The following LARP1 variants were observed in gnomAD, a reference collection of about 807,000 sequenced individuals.
LARP1 encodes the protein La ribonucleoprotein 1, translational regulator, also known as la-related protein 1.
LARP1 carries 36 observed loss-of-function variants against 122.7 expected under a neutral mutation model. The ratio of observed to expected loss-of-function variants is 0.29; its 90% CI spans 0.22 to 0.39. LARP1 has a LOEUF of 0.39. LARP1 is among the 10% of genes least tolerant of loss of function. The pLI, the probability that LARP1 is intolerant of heterozygous loss-of-function variation, is 1.00. For synonymous variants in LARP1, 539 were observed against 528.7 expected, an observed-to-expected ratio of 1.02 and a Z score of -0.27; for missense variants, 1,040 against 1,403.6, an observed-to-expected ratio of 0.74 and a Z score of 4.14.
In LARP1 at chr5:154,793,941, T is replaced by TCCGTGG; in HGVS notation, c.1017_1022dup (p.Arg352_Gly353dup). 6.2e-7 allele frequency: 1 copy of TCCGTGG among 1,613,722 alleles called. No individual in the cohort carries two copies. The highest frequency in any genetic ancestry group is 8.5e-7 in the Non-Finnish European group (1 of 1,179,740). ...GGGGCTGGTGGGGCGCGGGCTTCCT[T>TCCGTGG]CCGTGGCCGTGGACGGGGGCGTGGT... On this transcript the variant is annotated inframe_insertion, in exon 6 of 19. Coordinates refer to ENST00000518297, the MANE Select transcript of LARP1 (RefSeq NM_033551.3).
At chr5:154,727,103 G>T (rs1304702259) in intron 1 of LARP1, among the ~76,000 whole-genome samples, 1 of 152,082 alleles carries the variant, frequency 6.6e-6, no homozygotes, top group Non-Finnish European at 1.5e-5. Flanking sequence ...ATGAAATGTG[G>T]TTAAAATTTC....
At chr5:154,715,783 G>A (rs1396942595) in intron 1 of LARP1, among the ~76,000 whole-genome samples, 5 of 152,140 alleles carry the variant, frequency 3.3e-5, no homozygotes, top group African/African-American at 1.2e-4. Context: ...AAGGGATTGG[G>A]AATTCCTCCA....
rs1172510715 is a variant in LARP1 at position 154,760,774 on chromosome 5, TAAATG to T, written c.436+4582_436+4586del. ...TACAAGACACACTATTTCCAATAAA[TAAATG>T]GCATTTTTTAAAGGGAAGAACTGTT... On this transcript the variant is annotated intron_variant, in intron 1 of 18. Transcript: ENST00000518297. 5.3e-5 allele frequency among the ~76,000 whole-genome samples: 8 copies of T among 152,300 alleles called. No homozygotes were observed. In the East Asian group the frequency reaches 1.3e-3, roughly 26 times the overall value.
At position 154,790,624 on chromosome 5, in the gene LARP1, CAT is replaced by C; in HGVS notation, c.499-19_499-18del. The C allele has an allele frequency of 6.2e-7, 1 of 1,613,712 alleles. No homozygotes were observed. The highest frequency in any genetic ancestry group is 8.5e-7 in the Non-Finnish European group (1 of 1,179,670). ...AAGACAGGGTCACTCCTGGGGCCCT[CAT>C]AGTGTATGTTCCCTGCAGGTTGGTG... On this transcript the variant is annotated intron_variant, in intron 2 of 18. Coordinates refer to ENST00000518297, the MANE Select transcript of LARP1 (RefSeq NM_033551.3).
intron 1 of LARP1, among the ~76,000 whole-genome samples, chr5:154,685,527 G>A (rs760145739): frequency 1.5e-4 from 23 of 152,290 alleles, no homozygotes; most frequent in South Asian, 4.1e-4. Flanking sequence ...AGGGTTTAGC[G>A]TAGAAAGTGG....
In LARP1 at chr5:154,816,486, C is replaced by A. The variant is rs931548346; in HGVS notation, c.*2390C>A. 5 of 152,756 alleles carry A rather than the reference C, an allele frequency of 3.3e-5. No homozygotes were observed. The highest frequency in any genetic ancestry group is 1.2e-4 in the African/African-American group (5 of 41,474). The allele number at this position is 152,756 out of a possible 1,614,324, so 9.5% of individuals were successfully genotyped here. On this transcript the variant is annotated 3_prime_UTR_variant, in exon 19 of 19. Transcript: ENST00000518297. Reference sequence around the variant, plus strand: ...GGGCAGGGAGGTGAGGACTTCATCTCAACATCGGCTGGTGGTTGGTAGGGG... The same window carrying A: ...GGGCAGGGAGGTGAGGACTTCATCTAAACATCGGCTGGTGGTTGGTAGGGG...
At chr5:154,752,506 G>A (rs549359305), upstream of LARP1, among the ~76,000 whole-genome samples, 1 of 152,036 alleles carries the variant, frequency 6.6e-6, no homozygotes, top group Admixed American at 6.6e-5. Flanking sequence ...GCCTCCCAAA[G>A]TGCCGGGATT....
chr5:154,709,369 C>T (rs1365018191), upstream of LARP1, among the ~76,000 whole-genome samples: 1 of 152,124 alleles, frequency 6.6e-6, no homozygotes, highest in African/African-American at 2.4e-5. Flanking sequence ...GCTTGGCCTC[C>T]ATGTGGTGAA....
chr5:154,749,711 C>T (rs1753388016), intron 1 of LARP1, among the ~76,000 whole-genome samples: 1 of 152,212 alleles, frequency 6.6e-6, no homozygotes, highest in South Asian at 2.1e-4. Flanking sequence ...TAACCCCACT[C>T]ACTTTGTGTC....
At chr5:154,741,903 GA>G (rs1332114082) in intron 1 of LARP1, among the ~76,000 whole-genome samples, 8 of 152,316 alleles carry the variant, frequency 5.3e-5, no homozygotes, top group Non-Finnish European at 1.2e-4. Context: ...ACCAGGCAAT[GA>G]TACCTATGCA....
chr5:154,810,407 G>T (rs1288854027), intron 16 of LARP1, among the ~76,000 whole-genome samples: 1 of 151,400 alleles, frequency 6.6e-6, no homozygotes, highest in Non-Finnish European at 1.5e-5. Context: ...CTGCACTCCA[G>T]CCTGGGTGAC....
chr5:154,787,693 T>C (rs1198248501), intron 1 of LARP1, among the ~76,000 whole-genome samples: 1 of 152,158 alleles, frequency 6.6e-6, no homozygotes, highest in Non-Finnish European at 1.5e-5. Flanking sequence ...CCTGAAGCCC[T>C]ACCTGGGAGC....
intron 1 of LARP1, among the ~76,000 whole-genome samples, chr5:154,723,730 C>T (rs1157180302): frequency 6.6e-6 from 1 of 152,152 alleles, no homozygotes; most frequent in Non-Finnish European, 1.5e-5. Context: ...AGAGACTTAG[C>T]CAAGAGCCCA....
intron 1 of LARP1, among the ~76,000 whole-genome samples, chr5:154,706,065 G>T (rs1310037411): frequency 6.6e-6 from 1 of 152,016 alleles, no homozygotes; most frequent in Non-Finnish European, 1.5e-5. Context: ...GGAGGCTGAG[G>T]TGAGCAGATC....
At chr5:154,756,523 G>T in intron 1 of LARP1, 3 of 985,248 alleles carry the variant, frequency 3.0e-6, no homozygotes, top group East Asian at 1.1e-4. Flanking sequence ...GCATGCTGGT[G>T]TAAGAGACGG....
chr5:154,757,025 C>T (rs1172466663), intron 1 of LARP1: 1 of 147,796 alleles, frequency 6.8e-6, no homozygotes, highest in Non-Finnish European at 1.5e-5. Flanking sequence ...GCCGGCGGCC[C>T]GCGGGCCGCT....
chr5:154,780,278 T>C (rs1279457760), intron 1 of LARP1, among the ~76,000 whole-genome samples: 2 of 152,070 alleles, frequency 1.3e-5, no homozygotes, highest in African/African-American at 2.4e-5. Flanking sequence ...CTGGCAGGGC[T>C]CAAAGAGGAA....
At chr5:154,804,391 T>G in intron 14 of LARP1, 84 bp downstream of exon 14, 2 of 1,037,108 alleles carry the variant, frequency 1.9e-6, no homozygotes, top group South Asian at 1.3e-5. Context: ...CCAAGAAGAT[T>G]GGTCTGAAAA....
At chr5:154,730,267 C>T (rs1367431520) in intron 1 of LARP1, among the ~76,000 whole-genome samples, 2 of 151,976 alleles carry the variant, frequency 1.3e-5, no homozygotes. Flanking sequence ...CGGCTCACTG[C>T]AACCTCTGCC....
Sources: gnomAD v4.1 joint callset for allele counts (sites outside exome capture counted in the v4.1 genomes callset) on GRCh38, gnomAD v4.1.1 for gene constraint, MANE v1.5 for transcripts, NCBI Gene and HGNC (gene_info 2026-07-23, HGNC 2026-07-21) for gene names.